PPP2R2B: variants seen among roughly 807,000 people sequenced by gnomAD.
PPP2R2B encodes the protein serine/threonine-protein phosphatase 2A 55 kDa regulatory subunit B beta isoform.
A neutral mutation model predicts 46.0 loss-of-function variants in PPP2R2B; 5 were observed. The observed-to-expected ratio is 0.11, with a 90% CI of 0.06 to 0.23. PPP2R2B has a LOEUF of 0.23. PPP2R2B is among the 10% of genes least tolerant of loss of function. PPP2R2B has a pLI of 1.00. For missense variants in PPP2R2B, 367 were observed against 575.0 expected (o/e 0.64, Z 3.70); for synonymous variants, 215 against 206.7 (o/e 1.04, Z -0.34).
At chr5:146,595,835 C>G (rs1444393217) in intron 8 of PPP2R2B, among the ~76,000 whole-genome samples, 1 of 152,178 alleles carries the variant, frequency 6.6e-6, no homozygotes, top group Admixed American at 6.5e-5. Flanking sequence ...CCTAGTATGA[C>G]TTTTCTATGA....
chr5:146,842,603 T>C (rs983847841), intron 2 of PPP2R2B, among the ~76,000 whole-genome samples: 1 of 151,980 alleles, frequency 6.6e-6, no homozygotes, highest in African/African-American at 2.4e-5. Flanking sequence ...GGTATTAAGC[T>C]TGGTATCCAT....
At chr5:146,603,880 C>T (rs1304648036) in intron 7 of PPP2R2B, among the ~76,000 whole-genome samples, 2 of 152,190 alleles carry the variant, frequency 1.3e-5, no homozygotes, top group African/African-American at 4.8e-5. Flanking sequence ...TTTGAACTCA[C>T]ATCTATCTGA....
chr5:146,797,177 T>C (rs1175818865), intron 2 of PPP2R2B, among the ~76,000 whole-genome samples: 1 of 152,204 alleles, frequency 6.6e-6, no homozygotes, highest in Non-Finnish European at 1.5e-5. Flanking sequence ...CTATTATTTG[T>C]AGTGTGACTA....
chr5:147,061,862 A>T (rs916982105), intron 2 of PPP2R2B, among the ~76,000 whole-genome samples: 1 of 152,240 alleles, frequency 6.6e-6, no homozygotes, highest in Non-Finnish European at 1.5e-5. Flanking sequence ...ACCAAATTTT[A>T]TATAGTAACT....
At chr5:146,884,222 A>G (rs1230253787) in intron 1 of PPP2R2B, among the ~76,000 whole-genome samples, 2 of 149,578 alleles carry the variant, frequency 1.3e-5, no homozygotes, top group Non-Finnish European at 1.5e-5. Flanking sequence ...CAATTTCTGT[A>G]CAATAAATCT....
intron 2 of PPP2R2B, among the ~76,000 whole-genome samples, chr5:146,757,954 G>C (rs1157423168): frequency 2.0e-5 from 3 of 152,168 alleles, no homozygotes; most frequent in Non-Finnish European, 4.4e-5. Context: ...AAATGAAGCT[G>C]AGTAGACATA....
chr5:146,760,151 G>A (rs2151251531), intron 2 of PPP2R2B, among the ~76,000 whole-genome samples: 1 of 152,294 alleles, frequency 6.6e-6, no homozygotes, highest in Non-Finnish European at 1.5e-5. Flanking sequence ...CAGCTGTTGT[G>A]TAATAACATC....
intron 2 of PPP2R2B, chr5:147,080,982 A>G: frequency 7.3e-7 from 1 of 1,366,880 alleles, no homozygotes; most frequent in Non-Finnish European, 1.0e-6. Flanking sequence ...CATGAAAGTA[A>G]AGATGAAAGT....
At chr5:146,955,800 A>G (rs1005111754) in intron 1 of PPP2R2B, among the ~76,000 whole-genome samples, 1 of 132,240 alleles carries the variant, frequency 7.6e-6, no homozygotes, top group Non-Finnish European at 1.6e-5. Flanking sequence ...TTTTTTTGAG[A>G]CAGAGTCTTG....
chr5:146,925,611 A>G (rs1003752462), intron 1 of PPP2R2B, among the ~76,000 whole-genome samples: 6 of 152,156 alleles, frequency 3.9e-5, no homozygotes, highest in African/African-American at 1.4e-4. Flanking sequence ...GATGTGTTCA[A>G]GTGTGGATCT....
At chr5:146,858,168 A>C (rs1339754385) in intron 2 of PPP2R2B, among the ~76,000 whole-genome samples, 4 of 152,228 alleles carry the variant, frequency 2.6e-5, no homozygotes, top group Non-Finnish European at 5.9e-5. Context: ...GAGAGGTTAA[A>C]TAACTTGCCC....
At position 147,007,964 on chromosome 5, in the gene PPP2R2B, T is replaced by C. The variant is rs372187518; in HGVS notation, c.79+47701A>G. Reference sequence around the variant, plus strand: ...TGGAAGGAACCAATTCCGGACACAATAGTCCATAAGGTTAATGTAATGAAA... The same window carrying C: ...TGGAAGGAACCAATTCCGGACACAACAGTCCATAAGGTTAATGTAATGAAA... On this transcript the variant is annotated intron_variant, in intron 1 of 8. Coordinates refer to the PPP2R2B transcript ENST00000336640. 3.3e-4 allele frequency among the ~76,000 whole-genome samples: 51 copies of C among 152,310 alleles called. 1 individual carries two copies. Among genetic ancestry groups the C allele is most frequent in the African/African-American group, 1.2e-3 (48 of 41,578 alleles).
At chr5:146,974,044 T>C (rs889081554) in intron 1 of PPP2R2B, among the ~76,000 whole-genome samples, 8 of 152,208 alleles carry the variant, frequency 5.3e-5, no homozygotes, top group Non-Finnish European at 1.0e-4. Flanking sequence ...GATTTGTTTT[T>C]TCTAGAGAGT....
At chr5:146,638,566 G>A in intron 6 of PPP2R2B, 151 bp from the exon 7 acceptor site, 1 of 726,646 alleles carries the variant, frequency 1.4e-6, no homozygotes, top group Non-Finnish European at 2.1e-6. Context: ...GTCCCAGGCA[G>A]ATGAGGCTCA....
chr5:146,645,805 G>A (rs923357758), intron 6 of PPP2R2B, among the ~76,000 whole-genome samples: 1 of 152,150 alleles, frequency 6.6e-6, no homozygotes, highest in African/African-American at 2.4e-5. Context: ...ACTTCTGAAA[G>A]GTGAGGCTTC....
intron 2 of PPP2R2B, among the ~76,000 whole-genome samples, chr5:146,762,828 G>A (rs1312777427): frequency 2.6e-5 from 4 of 152,216 alleles, no homozygotes; most frequent in Non-Finnish European, 5.9e-5. Flanking sequence ...AGGCCTGGGC[G>A]ACTAGCATCA....
At chr5:146,843,664 G>A (rs1367057029) in intron 2 of PPP2R2B, among the ~76,000 whole-genome samples, 2 of 152,116 alleles carry the variant, frequency 1.3e-5, no homozygotes, top group Admixed American at 1.3e-4. Context: ...CTTGGGAATG[G>A]TTCTACTTGC....
intron 4 of PPP2R2B, among the ~76,000 whole-genome samples, chr5:146,692,783 C>T (rs879449252): frequency 7.2e-5 from 11 of 152,098 alleles, no homozygotes; most frequent in Non-Finnish European, 1.5e-4. Context: ...ATCCGCCTGC[C>T]TCGGTCTCCC....
Position 146,933,432 on chromosome 5 carries a change from G to T in PPP2R2B, c.79+122233C>A, listed in dbSNP as rs114107651. Among the ~76,000 whole-genome samples the T allele has an allele frequency of 3.2e-3, 489 of 152,156 alleles. 1 individual carries two copies. Among genetic ancestry groups the T allele is most frequent in the Non-Finnish European group, 4.8e-3 (325 of 67,986 alleles). On this transcript the variant is annotated intron_variant, in intron 1 of 8. Coordinates refer to the PPP2R2B transcript ENST00000336640. The stretch of plus-strand genomic sequence containing the variant: ...AGATTTTGAAAATGATTATTAGGGA[G>T]TTTTTATTCCCATTCTCTCTCAGAT...
Sources: gnomAD v4.1 joint callset for allele counts (sites outside exome capture counted in the v4.1 genomes callset) on GRCh38, gnomAD v4.1.1 for gene constraint, MANE v1.5 for transcripts, NCBI Gene and HGNC (gene_info 2026-07-23, HGNC 2026-07-21) for gene names.